Variants in IFTAP observed in about 807,000 individuals in gnomAD.
The protein encoded by IFTAP is intraflagellar transport-associated protein.
In IFTAP, 19 loss-of-function variants were observed where a neutral mutation model predicts 19.4. The observed-to-expected ratio is 0.98, with a 90% CI of 0.68 to 1.44. The LOEUF (loss-of-function observed/expected upper bound fraction) is 1.44, where lower values mean the gene tolerates loss of function less well. Among genes scored for constraint, IFTAP ranks in the 40% most tolerant of loss-of-function variants. The pLI is 0.00. For missense variants in IFTAP, 240 were observed against 253.6 expected, an observed-to-expected ratio of 0.95 and a Z score of 0.36; for synonymous variants, 85 against 83.5, an observed-to-expected ratio of 1.02 and a Z score of -0.10.
At position 36,603,133 on chromosome 11, in the gene IFTAP, A is replaced by G. The variant is rs116421387; in HGVS notation, c.-23-6948A>G. Among the ~76,000 whole-genome samples, 232 of 152,304 alleles carry G rather than the reference A, an allele frequency of 1.5e-3. 1 individual carries two copies. Among genetic ancestry groups the G allele is most frequent in the African/African-American group, 5.2e-3 (217 of 41,562 alleles). On this transcript the variant is annotated intron_variant, in intron 1 of 5. Transcript: ENST00000334307. ...CTTAAACAGCTAGGAGGAAGAGTATACTTGGGGAAATAAAATGGGTATTAT... is the reference window on the plus strand; with the variant it reads ...CTTAAACAGCTAGGAGGAAGAGTATGCTTGGGGAAATAAAATGGGTATTAT...
chr11:36,595,326 C>G (rs530282520), intron 1 of IFTAP: 84 of 152,090 alleles, frequency 5.5e-4, no homozygotes, highest in Non-Finnish European at 9.1e-4. Flanking sequence ...GAATTTCATA[C>G]TTGTGTTACA....
chr11:36,644,664 C>G (rs1471771622), intron 4 of IFTAP, among the ~76,000 whole-genome samples: 1 of 151,994 alleles, frequency 6.6e-6, no homozygotes, highest in African/African-American at 2.4e-5. Flanking sequence ...GAATACTATG[C>G]AGCCATAAAA....
intron 5 of IFTAP, 68 bp downstream of exon 5, chr11:36,648,223 T>C: frequency 6.5e-7 from 1 of 1,530,978 alleles, no homozygotes; most frequent in Non-Finnish European, 8.9e-7. Flanking sequence ...TTCAAAGAAA[T>C]GCTGCATGCT....
intron 4 of IFTAP, among the ~76,000 whole-genome samples, chr11:36,644,036 G>C (rs1020012117): frequency 6.6e-6 from 1 of 152,114 alleles, no homozygotes; most frequent in African/African-American, 2.4e-5. Flanking sequence ...CACAGCAAAA[G>C]AAACTACCAT....
At chr11:36,618,313 A>G (rs762224645) in intron 2 of IFTAP, among the ~76,000 whole-genome samples, 4 of 151,988 alleles carry the variant, frequency 2.6e-5, no homozygotes, top group Non-Finnish European at 4.4e-5. Context: ...TCAGATTTCA[A>G]AGCCCACACC....
At chr11:36,640,077 T>C (rs1853137233) in intron 4 of IFTAP, among the ~76,000 whole-genome samples, 1 of 152,178 alleles carries the variant, frequency 6.6e-6, no homozygotes, top group South Asian at 2.1e-4. Context: ...GTGATTTATC[T>C]AGCTTTTCTA....
intron 4 of IFTAP, among the ~76,000 whole-genome samples, chr11:36,642,729 G>A (rs1299310263): frequency 6.6e-6 from 1 of 152,034 alleles, no homozygotes; most frequent in Non-Finnish European, 1.5e-5. Flanking sequence ...ACGTAATCCA[G>A]CATATGAACA....
chr11:36,647,985 AG>A, intron 4 of IFTAP, 30 bp from the exon 5 acceptor site: 1 of 1,598,966 alleles, frequency 6.3e-7, no homozygotes, highest in Non-Finnish European at 8.5e-7. Flanking sequence ...ACTTTGCGAA[AG>A]GCTCAGTTGA....
chr11:36,658,852 A>G (rs1028897453), intron 5 of IFTAP, among the ~76,000 whole-genome samples, 167 bp from the exon 6 acceptor site: 6 of 152,220 alleles, frequency 3.9e-5, no homozygotes, highest in Admixed American at 3.9e-4. Context: ...AATTAGGTCA[A>G]ATTGAATAAT....
intron 2 of IFTAP, among the ~76,000 whole-genome samples, chr11:36,629,838 C>T (rs1490390166): frequency 6.6e-6 from 1 of 151,046 alleles, no homozygotes; most frequent in Non-Finnish European, 1.5e-5. Flanking sequence ...ATAATGAAAC[C>T]TCGAAAAACC....
At chr11:36,622,573 A>G (rs1031214223) in intron 2 of IFTAP, among the ~76,000 whole-genome samples, 35 of 152,194 alleles carry the variant, frequency 2.3e-4, no homozygotes, top group Admixed American at 1.5e-3. Context: ...ATTTCTTAAG[A>G]CCACAGGCCT....
chr11:36,613,545 G>C (rs1851949292), intron 2 of IFTAP, among the ~76,000 whole-genome samples: 1 of 152,024 alleles, frequency 6.6e-6, no homozygotes, highest in Admixed American at 6.6e-5. Flanking sequence ...CAGGAAATTA[G>C]ACTAATGCAT....
At chr11:36,602,725 A>G (rs748202138) in intron 1 of IFTAP, among the ~76,000 whole-genome samples, 6 of 152,074 alleles carry the variant, frequency 3.9e-5, no homozygotes, top group Non-Finnish European at 8.8e-5. Context: ...GGGTATGGCA[A>G]ATTTTTCTTG....
At chr11:36,601,919 T>C (rs1851523973) in intron 1 of IFTAP, among the ~76,000 whole-genome samples, 1 of 152,226 alleles carries the variant, frequency 6.6e-6, no homozygotes, top group Non-Finnish European at 1.5e-5. Flanking sequence ...TCCCAAGTGC[T>C]GGGGTTACAG....
rs187895002 is a variant in IFTAP, at chr11:36,617,477, G to A, written c.136+7238G>A. 5.8e-4 allele frequency among the ~76,000 whole-genome samples: 88 copies of A among 151,766 alleles called. No individual in the cohort carries two copies. The South Asian group carries it at 0.015, about 26-fold the overall frequency. Reference sequence around the variant, plus strand: ...GCTTATTAAATGAAACTATAGCAAGGGGTCTAAAATTTTTATATTCTCAAG... The same window carrying A: ...GCTTATTAAATGAAACTATAGCAAGAGGTCTAAAATTTTTATATTCTCAAG... On this transcript the variant is annotated intron_variant, in intron 2 of 5. Coordinates refer to ENST00000334307, the MANE Select transcript of IFTAP (RefSeq NM_138787.4).
At chr11:36,653,794 G>C (rs1853845660) in intron 5 of IFTAP, among the ~76,000 whole-genome samples, 1 of 152,138 alleles carries the variant, frequency 6.6e-6, no homozygotes, top group African/African-American at 2.4e-5. Context: ...AACATGCAAA[G>C]TCAGAACTAG....
chr11:36,622,590 T>C (rs115930029), intron 2 of IFTAP, among the ~76,000 whole-genome samples: 1 of 152,236 alleles, frequency 6.6e-6, no homozygotes, highest in African/African-American at 2.4e-5. Flanking sequence ...GCCTGTCACT[T>C]ACTCTCTGAA....
intron 5 of IFTAP, among the ~76,000 whole-genome samples, chr11:36,654,805 G>A (rs778028598): frequency 5.9e-5 from 9 of 151,640 alleles, no homozygotes; most frequent in Admixed American, 3.9e-4. Context: ...CACTTTCTAC[G>A]GATTTTTCAA....
chr11:36,635,657 C>T (rs1458606480), intron 3 of IFTAP, among the ~76,000 whole-genome samples: 8 of 152,118 alleles, frequency 5.3e-5, no homozygotes, highest in South Asian at 2.1e-4. Context: ...CCAGAGCCAC[C>T]GCCACCATTT....
Sources: allele counts gnomAD v4.1 joint callset (sites outside exome capture counted in the v4.1 genomes callset), GRCh38; gene constraint gnomAD v4.1.1; transcripts MANE v1.5; gene names NCBI Gene and HGNC (gene_info 2026-07-23, HGNC 2026-07-21).